Variants in RSPO4 observed in about 807,000 individuals in gnomAD.
RSPO4 encodes the protein R-spondin-4.
In RSPO4, 23 loss-of-function variants were observed where a neutral mutation model predicts 24.8. The observed-to-expected ratio is 0.93, with a 90% CI of 0.67 to 1.31. The LOEUF (loss-of-function observed/expected upper bound fraction) is 1.31, where lower values mean the gene tolerates loss of function less well. Ranked by LOEUF, RSPO4 falls within the 40% of genes most tolerant of loss-of-function variation. The probability of loss-of-function intolerance (pLI) is 0.00; values close to 1 mark genes in which losing one functional copy is unlikely to be tolerated. For synonymous variants in RSPO4, 141 were observed against 127.4 expected (o/e 1.11, Z -0.72); for missense variants, 333 against 316.5 (o/e 1.05, Z -0.39).
chr20:980,674 C>T (rs187770459), intron 1 of RSPO4, among the ~76,000 whole-genome samples: 1 of 152,256 alleles, frequency 6.6e-6, no homozygotes, highest in East Asian at 1.9e-4. Context: ...GGGCTGGTTG[C>T]AGGGGTGGAG....
intron 1 of RSPO4, among the ~76,000 whole-genome samples, chr20:975,839 T>A (rs950937606): frequency 6.6e-6 from 1 of 152,168 alleles, no homozygotes; most frequent in Admixed American, 6.5e-5. Flanking sequence ...TTTCCAGCTG[T>A]AAATGGGGAT....
intron 1 of RSPO4, among the ~76,000 whole-genome samples, chr20:973,317 G>A (rs1277266505): frequency 6.6e-6 from 1 of 152,258 alleles, no homozygotes; most frequent in African/African-American, 2.4e-5. Flanking sequence ...GAGCTTAGAG[G>A]TCACTCAGCA....
intron 2 of RSPO4, 64 bp from the exon 3 acceptor site, chr20:967,378 GC>G (rs1367221705): frequency 1.9e-6 from 3 of 1,573,048 alleles, no homozygotes; most frequent in Non-Finnish European, 8.7e-7. Context: ...CACTGGGTCT[GC>G]CCGAGGTGGA....
chr20:983,602 C>T (rs939908887), intron 1 of RSPO4, among the ~76,000 whole-genome samples: 3 of 152,202 alleles, frequency 2.0e-5, no homozygotes, highest in Non-Finnish European at 4.4e-5. Context: ...TTGTGGGACT[C>T]TGGAGCCTGG....
intron 3 of RSPO4, 101 bp downstream of exon 3, chr20:967,073 A>T: frequency 4.2e-6 from 5 of 1,203,402 alleles, no homozygotes; most frequent in Non-Finnish European, 5.8e-6. Flanking sequence ...ACCATATGGC[A>T]TTCTACTGTA....
At position 960,182 on chromosome 20, in the gene RSPO4, T is replaced by C; in HGVS notation, c.*175A>G. ...ATGGAGGTGGAAGAAATAAAGGAAA[T>C]AAAAAAGAAAAAGAAAGGGAAGGTA... On this transcript the variant is annotated 3_prime_UTR_variant, in exon 5 of 5. Coordinates refer to ENST00000217260, the MANE Select transcript of RSPO4 (RefSeq NM_001029871.4). 3.4e-6 allele frequency: 2 copies of C among 582,404 alleles called. No individual in the cohort carries two copies. The highest frequency in any genetic ancestry group is 4.3e-5 in the South Asian group (2 of 46,926). 36.1% of individuals were successfully genotyped at this position (582,404 alleles called of 1,614,324 possible).
In RSPO4 at chr20:1,002,255, T is replaced by C; in HGVS notation, c.-91A>G. 1 of 769,710 alleles carries C rather than the reference T, an allele frequency of 1.3e-6. No individual in the cohort carries two copies. Among genetic ancestry groups the C allele is most frequent in the South Asian group, 5.7e-5 (1 of 17,690 alleles). The allele number at this position is 769,710 out of a possible 1,614,324, so 47.7% of individuals were successfully genotyped here. A position where few individuals can be genotyped will look rare whatever the true frequency, so the allele number is the denominator to read the frequency against. On this transcript the variant is annotated 5_prime_UTR_variant, in exon 1 of 5. Transcript: ENST00000217260. This position sits in a 1 kb window ranked among gnomAD's most constrained non-coding sequence, Gnocchi z 4.6. Reference sequence around the variant, plus strand: ...GCGGCGGCACGGCGGGCGCGGGGGCTGCTGTGGGCGCGCCGGGCGCATCCG... The same window carrying C: ...GCGGCGGCACGGCGGGCGCGGGGGCCGCTGTGGGCGCGCCGGGCGCATCCG...
intron 1 of RSPO4, among the ~76,000 whole-genome samples, chr20:974,591 T>C (rs924321918): frequency 4.6e-5 from 7 of 152,182 alleles, no homozygotes; most frequent in Non-Finnish European, 1.0e-4. Context: ...ACTACAGTGG[T>C]TGTAGGTTCA....
At chr20:963,041 C>T (rs1600087244) in intron 4 of RSPO4, among the ~76,000 whole-genome samples, 2 of 152,386 alleles carry the variant, frequency 1.3e-5, no homozygotes, top group South Asian at 2.1e-4. Context: ...TTACCAAGCA[C>T]ACCCTGTGGC....
At chr20:992,189 A>C (rs1985128237) in intron 1 of RSPO4, among the ~76,000 whole-genome samples, 1 of 151,646 alleles carries the variant, frequency 6.6e-6, no homozygotes, top group South Asian at 2.1e-4. Context: ...ACATACGCAC[A>C]CGCACACGGA....
intron 1 of RSPO4, among the ~76,000 whole-genome samples, chr20:975,302 TC>T (rs1984528146): frequency 6.6e-6 from 1 of 152,124 alleles, no homozygotes; most frequent in African/African-American, 2.4e-5. Context: ...CGCTGTCCTC[TC>T]CCAGCTGAGA....
At chr20:983,071 C>A (rs982759800) in intron 1 of RSPO4, among the ~76,000 whole-genome samples, 2 of 152,256 alleles carry the variant, frequency 1.3e-5, no homozygotes, top group African/African-American at 4.8e-5. Context: ...GAGCTGAAAG[C>A]TCGTTGATTC....
At chr20:977,388 G>A (rs1984598201) in intron 1 of RSPO4, among the ~76,000 whole-genome samples, 1 of 152,190 alleles carries the variant, frequency 6.6e-6, no homozygotes, top group Non-Finnish European at 1.5e-5. Flanking sequence ...CCTTGACCCA[G>A]TGCCTTAACC....
intron 3 of RSPO4, among the ~76,000 whole-genome samples, chr20:965,070 C>T (rs1158957832): frequency 6.6e-6 from 1 of 152,088 alleles, no homozygotes; most frequent in Non-Finnish European, 1.5e-5. Flanking sequence ...CCAGTGTATG[C>T]CAGGTGCTAT....
chr20:971,641 T>C (rs1388096207), intron 1 of RSPO4, among the ~76,000 whole-genome samples: 6 of 152,222 alleles, frequency 3.9e-5, no homozygotes, highest in Non-Finnish European at 8.8e-5. Flanking sequence ...AAGAGCCATT[T>C]ATATAAAGTT....
chr20:964,815 C>T (rs1354971605), intron 3 of RSPO4, among the ~76,000 whole-genome samples: 1 of 82,642 alleles, frequency 1.2e-5, no homozygotes. Flanking sequence ...TACACACACA[C>T]ACACACACAC....
At chr20:966,614 A>G (rs1191237279) in intron 3 of RSPO4, among the ~76,000 whole-genome samples, 1 of 152,088 alleles carries the variant, frequency 6.6e-6, no homozygotes, top group Non-Finnish European at 1.5e-5. Context: ...TATACTCCCA[A>G]TGCTTTGGGA....
intron 1 of RSPO4, among the ~76,000 whole-genome samples, chr20:984,084 T>C (rs143112022): frequency 0.022 from 3,335 of 152,242 alleles, 57 homozygotes; most frequent in Middle Eastern, 0.12. Flanking sequence ...ACACCTGTAA[T>C]CCCAGCACTT....
rs1420471193 is a variant in RSPO4, at chr20:960,462, C to G, written c.600G>C (p.Arg200Ser). 1 of 1,538,822 alleles carries G rather than the reference C, an allele frequency of 6.5e-7. No homozygotes were observed. The highest frequency in any genetic ancestry group is 1.2e-5 in the South Asian group (1 of 84,068). ...CPIQRPCPGE[R>S]SPGQKKGRKD... ...TCCTGCCCTTCTTCTGGCCGGGGCT[C>G]CTCTCTGCAATGAGAGGACAGAGCC... Residue 200 changes from arginine (R) to serine (S), a missense_variant, in exon 5 of 5, where the codon AGG becomes AGC. By Grantham distance (110) the Arg-to-Ser change is moderately radical. Transcript: ENST00000217260.
Sources: allele counts gnomAD v4.1 joint callset (sites outside exome capture counted in the v4.1 genomes callset), GRCh38; gene constraint gnomAD v4.1.1; non-coding constraint Gnocchi (gnomAD v3.1); transcripts MANE v1.5; gene names NCBI Gene and HGNC (gene_info 2026-07-23, HGNC 2026-07-21).